Variants in NUAK1 observed in about 807,000 individuals in gnomAD.
NUAK1 encodes NUAK family kinase 1.
NUAK1 carries 26 observed loss-of-function variants against 56.9 expected under a neutral mutation model. That is an observed-to-expected ratio of 0.46 (90% CI 0.33 to 0.63). NUAK1 has a LOEUF of 0.63. NUAK1 is among the 30% of genes least tolerant of loss of function. The probability of loss-of-function intolerance (pLI) is 0.02; values close to 1 mark genes in which losing one functional copy is unlikely to be tolerated. For missense variants in NUAK1, 727 were observed against 876.1 expected (o/e 0.83, Z 2.15); for synonymous variants, 337 against 336.0 (o/e 1.00, Z -0.03).
At chr12:106,117,395 G>A (rs3782695) in intron 1 of NUAK1, among the ~76,000 whole-genome samples, 93,279 of 151,976 alleles carry the variant, frequency 0.61, 30,756 homozygotes, top group African/African-American at 0.88. Context: ...ATAACTATCA[G>A]TTCAAACCAG....
At chr12:106,086,468 C>A (rs1978730) in intron 3 of NUAK1, among the ~76,000 whole-genome samples, 14,850 of 151,878 alleles carry the variant, frequency 0.098, 957 homozygotes, top group Admixed American at 0.15. Flanking sequence ...TCCTGTAAAT[C>A]TAAAATTATT....
At chr12:106,087,394 C>A (rs1462423153) in intron 2 of NUAK1, among the ~76,000 whole-genome samples, 2 of 152,146 alleles carry the variant, frequency 1.3e-5, no homozygotes, top group African/African-American at 4.8e-5. Flanking sequence ...GTGCACGATC[C>A]CATGGGCCCC....
chr12:106,071,413 A>G (rs2032405742), intron 5 of NUAK1, among the ~76,000 whole-genome samples: 1 of 152,196 alleles, frequency 6.6e-6, no homozygotes, highest in Non-Finnish European at 1.5e-5. Flanking sequence ...ACAAAGCAAG[A>G]AAGAATTGGG....
chr12:106,066,286 A>C lies in NUAK1; in HGVS notation c.*516T>G. The C allele has an allele frequency of 6.2e-6, 1 of 161,046 alleles. No individual in the cohort carries two copies. The highest frequency in any genetic ancestry group is 1.4e-5 in the Non-Finnish European group (1 of 72,786). 10.0% of individuals were successfully genotyped at this position (161,046 alleles called of 1,614,324 possible). ...CATGATGTGGGCCACTTACGCCAGCACAACTGGCAGCCACTATTAATTGAT... is the reference window on the plus strand; with the variant it reads ...CATGATGTGGGCCACTTACGCCAGCCCAACTGGCAGCCACTATTAATTGAT... On this transcript the variant is annotated 3_prime_UTR_variant, in exon 7 of 7. Coordinates refer to ENST00000261402, the MANE Select transcript of NUAK1 (RefSeq NM_014840.3).
rs2032361145 is a variant in NUAK1 at position 106,067,828 on chromosome 12, G to A, written c.960C>T (p.Leu320=). Residue 320 remains leucine (L), a synonymous_variant, in exon 7 of 7, where the codon CTC becomes CTT. Transcript: ENST00000261402. This position sits in a 1 kb window ranked among gnomAD's most constrained non-coding sequence, Gnocchi z 6.0. ...CCAGGAGTGGGGACTCAGAGTCATG[G>A]AGGGCATCACAGTCACACACGCTGC... is the stretch of plus-strand genomic sequence containing the variant. ...YKSSVCDCDA[L]HDSESPLLAR... The A allele has an allele frequency of 6.2e-7, 1 of 1,614,108 alleles. No homozygotes were observed. Among genetic ancestry groups the A allele is most frequent in the Non-Finnish European group, 8.5e-7 (1 of 1,180,062 alleles).
chr12:106,107,834 T>C (rs2032817534), intron 1 of NUAK1, among the ~76,000 whole-genome samples: 2 of 152,224 alleles, frequency 1.3e-5, no homozygotes, highest in Non-Finnish European at 2.9e-5. Flanking sequence ...GTTTTTGCTA[T>C]GTATTGACCT....
At chr12:106,131,723 G>A (rs2033080970) in intron 1 of NUAK1, among the ~76,000 whole-genome samples, 1 of 152,110 alleles carries the variant, frequency 6.6e-6, no homozygotes, top group Non-Finnish European at 1.5e-5. Context: ...ACATATGTTT[G>A]CATTTCTCCT....
intron 1 of NUAK1, among the ~76,000 whole-genome samples, chr12:106,122,406 T>C (rs943939506): frequency 6.6e-6 from 1 of 152,180 alleles, no homozygotes; most frequent in Admixed American, 6.5e-5. Context: ...TTTATCCGCC[T>C]GAAAAATGGG....
intron 1 of NUAK1, among the ~76,000 whole-genome samples, chr12:106,128,573 G>C (rs1188274169): frequency 6.6e-6 from 1 of 152,210 alleles, no homozygotes; most frequent in Non-Finnish European, 1.5e-5. Flanking sequence ...AGCCAGCAAG[G>C]CTTCGTTTGA....
intron 1 of NUAK1, among the ~76,000 whole-genome samples, chr12:106,121,600 A>G (rs1056220939): frequency 6.6e-6 from 1 of 152,184 alleles, no homozygotes; most frequent in Non-Finnish European, 1.5e-5. Context: ...AAATACAAAA[A>G]TTAGCTGGGC....
intron 2 of NUAK1, chr12:106,105,675 G>A (rs2032793108): frequency 6.6e-6 from 1 of 152,164 alleles, no homozygotes; most frequent in Non-Finnish European, 1.5e-5. Flanking sequence ...TTATCAAATT[G>A]GGAGTTAGAA....
At chr12:106,128,868 A>G (rs964758961) in intron 1 of NUAK1, among the ~76,000 whole-genome samples, 1 of 152,248 alleles carries the variant, frequency 6.6e-6, no homozygotes, top group African/African-American at 2.4e-5. Flanking sequence ...CAAATTTAAA[A>G]GGCAAATCAT....
Position 106,083,844 on chromosome 12 carries a change from C to A in NUAK1, c.579+20G>T. 1 of 1,612,120 alleles carries A rather than the reference C, an allele frequency of 6.2e-7. No homozygotes were observed. The highest frequency in any genetic ancestry group is 1.6e-4 in the Middle Eastern group (1 of 6,062). ...CAAGACCCAGGCCCTGCATATCAAT[C>A]GACGACGCAAGGGCTTTACCTTAAT... On this transcript the variant is annotated intron_variant, in intron 4 of 6. Transcript: ENST00000261402.
intron 4 of NUAK1, among the ~76,000 whole-genome samples, chr12:106,081,082 G>C (rs905604248): frequency 6.6e-6 from 1 of 152,206 alleles, no homozygotes; most frequent in Admixed American, 6.5e-5. Context: ...AAGATAATTT[G>C]CCTGGAAGTC....
intron 4 of NUAK1, among the ~76,000 whole-genome samples, chr12:106,073,402 A>C (rs2032426249): frequency 6.6e-6 from 1 of 151,924 alleles, no homozygotes; most frequent in South Asian, 2.1e-4. Flanking sequence ...GGACTAATTG[A>C]CTCACAGCAT....
rs550381648 is a variant in NUAK1, at chr12:106,085,969, C to T, written c.513+765G>A. Among the ~76,000 whole-genome samples, 9 of 152,296 alleles carry T rather than the reference C, an allele frequency of 5.9e-5. No individual in the cohort carries two copies. In the South Asian group the frequency reaches 1.9e-3, roughly 32 times the overall value. The stretch of plus-strand genomic sequence containing the variant: ...CAATCCTCCCCCCTCAGCCTCCCAA[C>T]TAGCTTGGATTATAGGCATGAGCCT... On this transcript the variant is annotated intron_variant, in intron 3 of 6. Coordinates refer to ENST00000261402, the MANE Select transcript of NUAK1 (RefSeq NM_014840.3).
At chr12:106,117,236 T>C (rs1054685037) in intron 1 of NUAK1, among the ~76,000 whole-genome samples, 3 of 152,312 alleles carry the variant, frequency 2.0e-5, no homozygotes, top group Non-Finnish European at 1.5e-5. Context: ...GGAGATGCTC[T>C]TTCTAAGGTT....
In NUAK1 at chr12:106,138,611, A is replaced by T. The variant is rs1236865022; in HGVS notation, c.43T>A (p.Leu15Met). Residue 15 changes from leucine (L) to methionine (M), a missense_variant, in exon 1 of 7, where the codon TTG becomes ATG. By Grantham distance (15) the Leu-to-Met change is conservative (BLOSUM62 2). Coordinates refer to ENST00000261402, the MANE Select transcript of NUAK1 (RefSeq NM_014840.3). This position sits in a 1 kb window ranked among gnomAD's most constrained non-coding sequence, Gnocchi z 5.0. ...AAPVAGDRPD[L>M]GLGAPGSPRE... Reference sequence around the variant, plus strand: ...GGAGAGCCCGGCGCCCCCAGCCCCAAGTCGGGGCGGTCCCCCGCCACAGGC... The same window carrying T: ...GGAGAGCCCGGCGCCCCCAGCCCCATGTCGGGGCGGTCCCCCGCCACAGGC... 4 of 1,535,186 alleles carry T rather than the reference A, an allele frequency of 2.6e-6. No homozygotes were observed. Among genetic ancestry groups the T allele is most frequent in the South Asian group, 2.4e-5 (2 of 83,830 alleles).
chr12:106,082,987 G>C (rs982002741), intron 4 of NUAK1, among the ~76,000 whole-genome samples: 1 of 152,168 alleles, frequency 6.6e-6, no homozygotes, highest in African/African-American at 2.4e-5. Flanking sequence ...AGCGAGCTCC[G>C]TTTATTTTGA....
Sources: allele counts gnomAD v4.1 joint callset (sites outside exome capture counted in the v4.1 genomes callset), GRCh38; gene constraint gnomAD v4.1.1; non-coding constraint Gnocchi (gnomAD v3.1); transcripts MANE v1.5; gene names NCBI Gene and HGNC (gene_info 2026-07-23, HGNC 2026-07-21).